Variants in LNX1 observed in about 807,000 individuals in gnomAD.
LNX1 encodes the protein ligand of numb-protein X 1.
LNX1 carries 54 observed loss-of-function variants against 68.4 expected under a neutral mutation model. That is an observed-to-expected ratio of 0.79 (90% CI 0.63 to 0.99). The LOEUF is 0.99. LNX1 is among the 50% of genes least tolerant of loss of function. The pLI is 0.00. For synonymous variants in LNX1, 336 were observed against 350.0 expected (o/e 0.96, Z 0.45); for missense variants, 906 against 926.4 (o/e 0.98, Z 0.29).
rs373568944 is a variant in LNX1 at position 53,573,694 on chromosome 4, C to A, written c.309G>T (p.Val103=). The change falls in exon 2 of 11, where the codon GTG becomes GTT. Residue 103 remains valine (V), a synonymous_variant. Coordinates refer to ENST00000263925, the MANE Select transcript of LNX1 (RefSeq NM_001126328.3). Reference sequence around the variant, plus strand: ...TGCAGTGCTCCCTGAATGGGCAGGTCACCAGTAGCTTGTTGAGGAGTTTGT... The same window carrying A: ...TGCAGTGCTCCCTGAATGGGCAGGTAACCAGTAGCTTGTTGAGGAGTTTGT... The part of the protein sequence containing the change: ...LVNKLLNKLL[V]TCPFREHCTQ... 7 of 1,609,946 alleles carry A rather than the reference C, an allele frequency of 4.3e-6. No individual in the cohort carries two copies. In the Admixed American group the frequency reaches 1.2e-4, roughly 27 times the overall value.
At chr4:53,523,279 T>G (rs1251596644) in intron 2 of LNX1, 2 of 152,176 alleles carry the variant, frequency 1.3e-5, no homozygotes, top group Admixed American at 6.5e-5. Context: ...GTACAATTTT[T>G]TTTGTTTGTT....
rs543699687 is a variant in LNX1 at position 53,575,411 on chromosome 4, C to T, written c.-86-1323G>A. 533 of 716,204 alleles carry T rather than the reference C, an allele frequency of 7.4e-4. 1 individual carries two copies. Among genetic ancestry groups the T allele is most frequent in the Non-Finnish European group, 8.4e-4 (490 of 584,428 alleles). 44.4% of individuals were successfully genotyped at this position (716,204 alleles called of 1,614,324 possible). A position where few individuals can be genotyped will look rare whatever the true frequency, so the allele number is the denominator to read the frequency against. ...CTAGGAAGTCTCTTGCGTAGAAAGT[C>T]AATAAATAGTTTTCAAGCGCCAACT... On this transcript the variant is annotated intron_variant, in intron 1 of 10. Coordinates refer to ENST00000263925, the MANE Select transcript of LNX1 (RefSeq NM_001126328.3).
intron 9 of LNX1, among the ~76,000 whole-genome samples, chr4:53,473,962 G>C (rs1259544165): frequency 6.6e-6 from 1 of 152,166 alleles, no homozygotes; most frequent in African/African-American, 2.4e-5. Flanking sequence ...TGAACGTTAA[G>C]TAAAAAGACC....
chr4:53,509,871 C>G (rs1189740394), intron 2 of LNX1, among the ~76,000 whole-genome samples: 1 of 152,136 alleles, frequency 6.6e-6, no homozygotes, highest in Admixed American at 6.5e-5. Context: ...CACGAGTACC[C>G]CTTATCACTT....
chr4:53,625,628 C>G (rs139490422), intron 1 of LNX1, among the ~76,000 whole-genome samples: 2 of 152,142 alleles, frequency 1.3e-5, no homozygotes, highest in East Asian at 3.9e-4. Context: ...GACACCCTGT[C>G]TCTACAAAAT....
In LNX1 at chr4:53,460,900, A is replaced by G. The variant is rs1419627230; in HGVS notation, c.*7T>C. The G allele has an allele frequency of 1.9e-6, 3 of 1,607,978 alleles. No homozygotes were observed. The highest frequency in any genetic ancestry group is 1.7e-6 in the Non-Finnish European group (2 of 1,177,674). On this transcript the variant is annotated 3_prime_UTR_variant, in exon 11 of 11. Coordinates refer to ENST00000263925, the MANE Select transcript of LNX1 (RefSeq NM_001126328.3). ...TTTTTCTGTTTTCCTCTGACCCATC[A>G]TTGATTCTATAAAAAAGTGCCAGGC...
intron 2 of LNX1, 23 bp downstream of exon 2, chr4:53,573,600 C>A: frequency 6.4e-7 from 1 of 1,569,744 alleles, no homozygotes; most frequent in South Asian, 1.2e-5. Flanking sequence ...TGGGACTTAC[C>A]GGCTCGCTGA....
At chr4:53,575,585 A>C (rs951920496) in intron 1 of LNX1, 4 of 1,279,038 alleles carry the variant, frequency 3.1e-6, no homozygotes, top group Non-Finnish European at 3.0e-6. Context: ...GTCAACTTTC[A>C]TGGTGATTAA....
chr4:53,542,602 G>C (rs1256196091), intron 2 of LNX1, among the ~76,000 whole-genome samples: 1 of 152,162 alleles, frequency 6.6e-6, no homozygotes, highest in Non-Finnish European at 1.5e-5. Context: ...ACAGAGGCAA[G>C]AGGAGGGAAA....
In LNX1 at chr4:53,527,051, T is replaced by TAAAAA. The variant is rs11415751; in HGVS notation, c.381-18829_381-18825dup. Among the ~76,000 whole-genome samples, 122 of 121,462 alleles carry TAAAAA rather than the reference T, an allele frequency of 1.0e-3. 1 individual carries two copies. The highest frequency in any genetic ancestry group is 1.4e-3 in the Non-Finnish European group (83 of 60,918). 79.7% of individuals were successfully genotyped at this position (121,462 alleles called of 152,430 possible). On this transcript the variant is annotated intron_variant, in intron 2 of 10. Coordinates refer to ENST00000263925, the MANE Select transcript of LNX1 (RefSeq NM_001126328.3). Reference sequence around the variant, plus strand: ...AAGGTTTTAGACTCTTCCCTGCCCCTAAAAAAAAAAAAAAAAAAAAACTAG... The same window carrying TAAAAA: ...AAGGTTTTAGACTCTTCCCTGCCCCTAAAAAAAAAAAAAAAAAAAAAAAAAACTAG...
At chr4:53,474,659 A>C (rs552865142) in intron 9 of LNX1, among the ~76,000 whole-genome samples, 104 of 152,222 alleles carry the variant, frequency 6.8e-4, no homozygotes, top group South Asian at 1.2e-3. Flanking sequence ...GGATGGAATG[A>C]AAGAAACCAG....
chr4:53,540,922 A>C (rs1728716598), intron 2 of LNX1, among the ~76,000 whole-genome samples: 1 of 152,042 alleles, frequency 6.6e-6, no homozygotes, highest in Non-Finnish European at 1.5e-5. Flanking sequence ...GGATCACTTG[A>C]GGTCAGGAGC....
chr4:53,514,251 A>G (rs548874091), intron 2 of LNX1, among the ~76,000 whole-genome samples: 96 of 152,348 alleles, frequency 6.3e-4, no homozygotes, highest in African/African-American at 2.2e-3. Context: ...AATGACTGGC[A>G]TATAGAAGGT....
intron 2 of LNX1, among the ~76,000 whole-genome samples, chr4:53,569,434 T>G (rs1457866240): frequency 7.7e-6 from 1 of 130,262 alleles, no homozygotes; most frequent in African/African-American, 2.9e-5. Context: ...ATTTAATAAA[T>G]GGTGCTGGGA....
chr4:53,463,416 G>A (rs1286917610), intron 9 of LNX1, among the ~76,000 whole-genome samples: 5 of 151,936 alleles, frequency 3.3e-5, no homozygotes, highest in Admixed American at 2.0e-4. Flanking sequence ...CTTTATTGCC[G>A]CAGCGAGAAC....
At chr4:53,510,483 C>T (rs1415339848) in intron 2 of LNX1, among the ~76,000 whole-genome samples, 1 of 152,220 alleles carries the variant, frequency 6.6e-6, no homozygotes, top group Admixed American at 6.5e-5. Context: ...TTGTCCTCAG[C>T]TGGAAGAGTT....
chr4:53,609,908 C>T (rs1733411967), intron 2 of LNX1, among the ~76,000 whole-genome samples: 1 of 150,336 alleles, frequency 6.7e-6, no homozygotes, highest in Non-Finnish European at 1.5e-5. Context: ...ATTATAAATA[C>T]TTTATGAATA....
At chr4:53,567,045 G>A (rs1379032116) in intron 2 of LNX1, among the ~76,000 whole-genome samples, 1 of 149,068 alleles carries the variant, frequency 6.7e-6, no homozygotes, top group South Asian at 2.2e-4. Context: ...CATTAATAAT[G>A]GGAGACTTTA....
chr4:53,531,277 A>G (rs1168782281), intron 2 of LNX1, among the ~76,000 whole-genome samples: 1 of 152,232 alleles, frequency 6.6e-6, no homozygotes, highest in Non-Finnish European at 1.5e-5. Flanking sequence ...TTCTGTGATT[A>G]GCAGAAAACT....
Sources: allele counts gnomAD v4.1 joint callset (sites outside exome capture counted in the v4.1 genomes callset), GRCh38; gene constraint gnomAD v4.1.1; transcripts MANE v1.5; gene names NCBI Gene and HGNC (gene_info 2026-07-23, HGNC 2026-07-21).